The following NRXN1 variants were observed in gnomAD, a reference collection of about 807,000 sequenced individuals.
NRXN1 encodes neurexin-1.
NRXN1 carries 39 observed loss-of-function variants against 150.9 expected under a neutral mutation model. The ratio of observed to expected loss-of-function variants is 0.26; its 90% confidence interval spans 0.20 to 0.34. NRXN1 has a LOEUF of 0.34. Ranked by LOEUF, NRXN1 falls within the 10% of genes least tolerant of loss-of-function variation. NRXN1 has a pLI of 1.00. For synonymous variants in NRXN1, 924 were observed against 757.0 expected (o/e 1.22, Z -3.62); for missense variants, 1,815 against 1,949.9 (o/e 0.93, Z 1.30).
At chr2:51,008,243 T>C (rs916105822) in intron 2 of NRXN1, among the ~76,000 whole-genome samples, 1 of 151,684 alleles carries the variant, frequency 6.6e-6, no homozygotes, top group African/African-American at 2.4e-5. Flanking sequence ...AGTCAGAGAG[T>C]AGCTCAAATG....
chr2:50,836,441 A>G (rs1672112272), intron 5 of NRXN1, among the ~76,000 whole-genome samples: 1 of 152,042 alleles, frequency 6.6e-6, no homozygotes, highest in South Asian at 2.1e-4. Flanking sequence ...ATCTATGGAA[A>G]CTTTGTACTC....
intron 21 of NRXN1, among the ~76,000 whole-genome samples, chr2:49,961,277 T>C (rs1675889805): frequency 6.6e-6 from 1 of 151,930 alleles, no homozygotes; most frequent in African/African-American, 2.4e-5. Flanking sequence ...TTCGCATTGT[T>C]GCTTTAACTT....
chr2:50,177,519 A>G (rs949436424), intron 18 of NRXN1, among the ~76,000 whole-genome samples: 7 of 151,758 alleles, frequency 4.6e-5, no homozygotes, highest in African/African-American at 1.7e-4. Flanking sequence ...TATAGTAAAT[A>G]TATCTTTTAC....
intron 2 of NRXN1, among the ~76,000 whole-genome samples, chr2:50,967,130 T>C (rs563878891): frequency 2.6e-5 from 4 of 151,948 alleles, no homozygotes; most frequent in Admixed American, 6.6e-5. Context: ...TCCTCCATAA[T>C]ATCTTCCATT....
rs907338861 is a variant in NRXN1, at chr2:50,347,535, C to T, written c.3365-110565G>A. The T allele has an allele frequency of 1.9e-6, 2 of 1,044,920 alleles. No individual in the cohort carries two copies. Among genetic ancestry groups the T allele is most frequent in the African/African-American group, 3.5e-5 (2 of 57,542 alleles). The allele number at this position is 1,044,920 out of a possible 1,614,324, so 64.7% of individuals were successfully genotyped here. On this transcript the variant is annotated intron_variant, in intron 17 of 22. Transcript: ENST00000401669. The surrounding 1 kb of genome is among the most constrained non-coding windows in gnomAD (Gnocchi z 4.9). ...GGCCGGCTCGCCCGCTAGCGCCAGC[C>T]TCCCCCGGGCAGCGCGCGGAGCAGC...
rs577393628 is a variant in NRXN1 at position 50,196,241 on chromosome 2, G to C, written c.3546+40548C>G. 3.9e-5 allele frequency among the ~76,000 whole-genome samples: 6 copies of C among 152,184 alleles called. No individual in the cohort carries two copies. In the South Asian group the frequency reaches 1.2e-3, roughly 32 times the overall value. On this transcript the variant is annotated intron_variant, in intron 18 of 22. Transcript: ENST00000401669. ...CTTAGATATACTCTCTTACTAATCT[G>C]TGTAGGGTAGATTCACTCCCTGAAG... is the stretch of plus-strand genomic sequence containing the variant.
At chr2:50,465,115 A>G (rs1322032800) in intron 17 of NRXN1, among the ~76,000 whole-genome samples, 1 of 151,914 alleles carries the variant, frequency 6.6e-6, no homozygotes, top group African/African-American at 2.4e-5. Context: ...ATTATTTAAT[A>G]TAAAACAATA....
chr2:50,577,604 GGA>G (rs1216976597), intron 8 of NRXN1, among the ~76,000 whole-genome samples: 1 of 151,904 alleles, frequency 6.6e-6, no homozygotes, highest in Non-Finnish European at 1.5e-5. Context: ...TGCCAATAAA[GGA>G]GAATATACTC....
intron 8 of NRXN1, among the ~76,000 whole-genome samples, chr2:50,599,029 C>A (rs1468170597): frequency 6.6e-6 from 1 of 152,072 alleles, no homozygotes; most frequent in Non-Finnish European, 1.5e-5. Flanking sequence ...GCCTCAGCCT[C>A]CCAAAGTGCT....
chr2:50,507,778 A>AT (rs1379422411), intron 12 of NRXN1, among the ~76,000 whole-genome samples: 1 of 152,132 alleles, frequency 6.6e-6, no homozygotes, highest in East Asian at 1.9e-4. Context: ...TTGGTAATGA[A>AT]TTTTTTCCCT....
intron 5 of NRXN1, among the ~76,000 whole-genome samples, chr2:50,761,650 G>C (rs1701817244): frequency 6.6e-6 from 1 of 151,842 alleles, no homozygotes; most frequent in African/African-American, 2.4e-5. Flanking sequence ...TGGATTGAAG[G>C]ATGTAAAGTA....
intron 18 of NRXN1, among the ~76,000 whole-genome samples, chr2:50,112,996 T>C (rs1215716628): frequency 6.6e-6 from 1 of 152,182 alleles, no homozygotes; most frequent in Admixed American, 6.5e-5. Context: ...TCCCCTCTCA[T>C]TGCTCATTAT....
chr2:50,523,094 T>A (rs1266679635), intron 12 of NRXN1, among the ~76,000 whole-genome samples: 2 of 152,128 alleles, frequency 1.3e-5, no homozygotes, highest in African/African-American at 4.8e-5. Context: ...CCTGTTTTTA[T>A]TTGTTTTCTG....
At chr2:51,017,146 C>G (rs1286691332) in intron 2 of NRXN1, among the ~76,000 whole-genome samples, 5 of 151,878 alleles carry the variant, frequency 3.3e-5, no homozygotes, top group Non-Finnish European at 2.9e-5. Context: ...GGAGAAATAC[C>G]TAATATAGAT....
chr2:50,808,301 C>T (rs955771925), intron 5 of NRXN1, among the ~76,000 whole-genome samples: 4 of 151,998 alleles, frequency 2.6e-5, no homozygotes, highest in Non-Finnish European at 4.4e-5. Context: ...ATATCATATT[C>T]TTAACTTTCA....
intron 2 of NRXN1, among the ~76,000 whole-genome samples, chr2:50,934,181 C>A (rs1688183249): frequency 6.6e-6 from 1 of 152,024 alleles, no homozygotes; most frequent in Non-Finnish European, 1.5e-5. Context: ...ATTGGTATTT[C>A]ATTTCATAAA....
intron 5 of NRXN1, chr2:50,656,405 A>C: frequency 1.3e-6 from 1 of 776,428 alleles, no homozygotes. Flanking sequence ...GGTCTGAAGA[A>C]GTCACAAATA....
chr2:50,881,006 T>C (rs978641530), intron 5 of NRXN1, among the ~76,000 whole-genome samples: 3 of 151,944 alleles, frequency 2.0e-5, no homozygotes, highest in Admixed American at 1.3e-4. Flanking sequence ...TAGACCAGAT[T>C]TGGCAGCTAA....
intron 5 of NRXN1, among the ~76,000 whole-genome samples, chr2:50,777,841 C>T (rs1186203467): frequency 2.0e-5 from 3 of 152,142 alleles, no homozygotes; most frequent in Non-Finnish European, 4.4e-5. Flanking sequence ...TCTAGCTTCT[C>T]CACTTCTTCA....
Sources: gnomAD v4.1 joint callset for allele counts (sites outside exome capture counted in the v4.1 genomes callset) on GRCh38, gnomAD v4.1.1 for gene constraint, Gnocchi (gnomAD v3.1) non-coding constraint, MANE v1.5 for transcripts, NCBI Gene and HGNC (gene_info 2026-07-23, HGNC 2026-07-21) for gene names.